MEF2C: variants seen among roughly 807,000 people sequenced by gnomAD.
MEF2C encodes myocyte enhancer factor 2C.
Under a neutral mutation model 50.5 loss-of-function variants are expected in MEF2C, and 6 were observed. That is an observed-to-expected ratio of 0.12 (90% CI 0.07 to 0.23). MEF2C has a LOEUF of 0.23. Among genes scored for constraint, MEF2C ranks in the 10% least tolerant of loss-of-function variants. The probability of loss-of-function intolerance (pLI) is 1.00; values close to 1 mark genes in which losing one functional copy is unlikely to be tolerated. For missense variants in MEF2C, 276 were observed against 605.0 expected (o/e 0.46, Z 5.70); for synonymous variants, 183 against 228.0 (o/e 0.80, Z 1.78).
At chr5:88,879,380 T>C (rs1205073396) in intron 1 of MEF2C, among the ~76,000 whole-genome samples, 3 of 103,506 alleles carry the variant, frequency 2.9e-5, no homozygotes, top group Admixed American at 1.1e-4. Context: ...GAAATATATA[T>C]ATTATATATA....
chr5:88,749,947 G>A (rs1280362475), intron 5 of MEF2C: 3 of 153,754 alleles, frequency 2.0e-5, no homozygotes, highest in Admixed American at 6.6e-5. Flanking sequence ...GGAGAATGGC[G>A]TGAACCTGGG....
intron 6 of MEF2C, chr5:88,743,413 T>C (rs1767795304): frequency 3.0e-6 from 3 of 985,312 alleles, no homozygotes; most frequent in South Asian, 9.4e-5. Flanking sequence ...TGAAAACAAA[T>C]ACTTGCAAAA....
intron 2 of MEF2C, among the ~76,000 whole-genome samples, chr5:88,810,288 C>G (rs1271335138): frequency 2.0e-5 from 3 of 151,996 alleles, no homozygotes; most frequent in African/African-American, 7.2e-5. Flanking sequence ...AGTAATTACA[C>G]TATCTTGGAA....
intron 2 of MEF2C, among the ~76,000 whole-genome samples, chr5:88,813,921 T>C (rs934955894): frequency 6.6e-6 from 1 of 152,066 alleles, no homozygotes; most frequent in African/African-American, 2.4e-5. Flanking sequence ...ACCCTCATTA[T>C]GTGAAAATAT....
chr5:88,885,065 A>G (rs1480651155), upstream of MEF2C, among the ~76,000 whole-genome samples: 2 of 151,000 alleles, frequency 1.3e-5, no homozygotes, highest in African/African-American at 4.9e-5. Context: ...ACAATAGTAT[A>G]TTGAAATATC....
At chr5:88,858,529 A>G (rs1392962006) in intron 1 of MEF2C, among the ~76,000 whole-genome samples, 1 of 152,232 alleles carries the variant, frequency 6.6e-6, no homozygotes, top group African/African-American at 2.4e-5. Context: ...AGAGTTAACT[A>G]GAAGACAAAG....
chr5:88,857,627 G>A (rs543967364), intron 1 of MEF2C, among the ~76,000 whole-genome samples: 2 of 152,254 alleles, frequency 1.3e-5, no homozygotes, highest in South Asian at 2.1e-4. Flanking sequence ...CATGGGGGTA[G>A]TTCCCCCGTA....
intron 4 of MEF2C, chr5:88,752,498 T>G (rs1345501180): frequency 1.7e-6 from 1 of 593,490 alleles, no homozygotes; most frequent in African/African-American, 2.0e-5. Context: ...GAAAATCATC[T>G]CCAAGCATGT....
chr5:88,737,288 A>G (rs1178205627), intron 6 of MEF2C: 4 of 985,250 alleles, frequency 4.1e-6, no homozygotes, highest in Admixed American at 6.2e-5. Context: ...CTTATCTACC[A>G]TATATATGAA....
intron 1 of MEF2C, among the ~76,000 whole-genome samples, chr5:88,864,099 G>C (rs948934139): frequency 6.6e-6 from 1 of 150,888 alleles, no homozygotes; most frequent in Non-Finnish European, 1.5e-5. Context: ...TGGGATTATG[G>C]GATTACAGGC....
At chr5:88,804,934 A>G (rs1338556646) in intron 2 of MEF2C, 133 bp from the exon 3 acceptor site, 1 of 632,714 alleles carries the variant, frequency 1.6e-6, no homozygotes, top group Non-Finnish European at 2.7e-6. Flanking sequence ...ACACATTCAG[A>G]AAGAAAGCAA....
intron 10 of MEF2C, among the ~76,000 whole-genome samples, chr5:88,723,415 T>C (rs1199468937): frequency 6.6e-6 from 1 of 152,238 alleles, no homozygotes; most frequent in Non-Finnish European, 1.5e-5. Context: ...AATAAGCACA[T>C]ACAGATGGAA....
chr5:88,900,778 G>GA (rs1003559775), intron 1 of MEF2C, among the ~76,000 whole-genome samples: 4 of 151,572 alleles, frequency 2.6e-5, no homozygotes, highest in African/African-American at 9.7e-5. Context: ...AGTCTAATTA[G>GA]AAAAAAAATC....
chr5:88,761,433 T>C, intron 3 of MEF2C, 105 bp from the exon 4 acceptor site: 2 of 1,318,366 alleles, frequency 1.5e-6, no homozygotes, highest in South Asian at 1.5e-5. Context: ...TTATTACATA[T>C]GCTTTATTCT....
At chr5:88,796,583 C>G (rs1796122216) in intron 3 of MEF2C, among the ~76,000 whole-genome samples, 1 of 152,122 alleles carries the variant, frequency 6.6e-6, no homozygotes, top group Non-Finnish European at 1.5e-5. Flanking sequence ...AAAAAATCAG[C>G]TCCTAGATTC....
intron 1 of MEF2C, among the ~76,000 whole-genome samples, chr5:88,843,960 C>A (rs1180774270): frequency 1.3e-5 from 2 of 152,046 alleles, no homozygotes; most frequent in Non-Finnish European, 2.9e-5. Context: ...CAGGTGCGCA[C>A]CACCACGCCT....
chr5:88,862,194 C>A (rs1825731252), intron 1 of MEF2C, among the ~76,000 whole-genome samples: 1 of 152,198 alleles, frequency 6.6e-6, no homozygotes, highest in Non-Finnish European at 1.5e-5. Context: ...TTATGTGGTT[C>A]ATTTTATGGT....
chr5:88,742,595 AG>A, intron 6 of MEF2C: 3 of 985,014 alleles, frequency 3.0e-6, no homozygotes, highest in Non-Finnish European at 3.6e-6. Flanking sequence ...AACACTCTCT[AG>A]GAAGTTATAA....
intron 2 of MEF2C, among the ~76,000 whole-genome samples, chr5:88,821,874 A>G (rs1342653712): frequency 6.6e-6 from 1 of 151,890 alleles, no homozygotes; most frequent in Non-Finnish European, 1.5e-5. Flanking sequence ...TACAGTTAAC[A>G]AGAATTTATC....
Sources: gnomAD v4.1 joint callset for allele counts (sites outside exome capture counted in the v4.1 genomes callset) on GRCh38, gnomAD v4.1.1 for gene constraint, MANE v1.5 for transcripts, NCBI Gene and HGNC (gene_info 2026-07-23, HGNC 2026-07-21) for gene names.